MYO3A: variants seen among roughly 807,000 people sequenced by gnomAD.
MYO3A encodes myosin-IIIa.
In MYO3A, 180 loss-of-function variants were observed where a neutral mutation model predicts 192.7. The ratio of observed to expected loss-of-function variants is 0.93; its 90% confidence interval spans 0.83 to 1.06. The LOEUF is 1.06. Ranked by LOEUF, MYO3A falls within the 50% of genes least tolerant of loss-of-function variation. The pLI, the probability that MYO3A is intolerant of heterozygous loss-of-function variation, is 0.00. For missense variants in MYO3A, 1,896 were observed against 1,905.0 expected (o/e 1.00, Z 0.09); for synonymous variants, 628 against 645.3 (o/e 0.97, Z 0.41).
intron 34 of MYO3A, among the ~76,000 whole-genome samples, chr10:26,207,326 C>A (rs879063032): frequency 6.6e-6 from 1 of 152,030 alleles, no homozygotes; most frequent in African/African-American, 2.4e-5. Flanking sequence ...TAATTTCTTT[C>A]TTTTCTTTTC....
chr10:25,990,469 TTC>T (rs766092544), intron 4 of MYO3A, among the ~76,000 whole-genome samples: 10 of 148,552 alleles, frequency 6.7e-5, no homozygotes, highest in South Asian at 2.1e-4. Context: ...AGAATCATAA[TTC>T]TTTTTTTTAA....
intron 20 of MYO3A, among the ~76,000 whole-genome samples, chr10:26,133,921 G>C (rs2131788076): frequency 6.6e-6 from 1 of 152,290 alleles, no homozygotes; most frequent in African/African-American, 2.4e-5. Context: ...GGCAGTAATG[G>C]AAAAATAGTT....
Position 26,172,234 on chromosome 10 carries a change from C to T in MYO3A, c.3399-1429C>T, listed in dbSNP as rs75397842. 3.0e-3 allele frequency among the ~76,000 whole-genome samples: 459 copies of T among 152,354 alleles called. 2 individuals are homozygous for T. Among genetic ancestry groups the T allele is most frequent in the African/African-American group, 0.01 (436 of 41,578 alleles). On this transcript the variant is annotated intron_variant, in intron 29 of 34. Coordinates refer to ENST00000642920, the MANE Select transcript of MYO3A (RefSeq NM_017433.5). ...CTGACTTTCCTTTTCCCTCAGCTAC[C>T]TGAAGCGCTTGTTTTCACTTAACCA...
intron 17 of MYO3A, among the ~76,000 whole-genome samples, chr10:26,105,917 T>C (rs74126400): frequency 0.1 from 15,627 of 152,102 alleles, 869 homozygotes; most frequent in Non-Finnish European, 0.12. Flanking sequence ...AGAATTGACT[T>C]ATCCTATATT....
chr10:26,196,037 C>T (rs763615523), intron 32 of MYO3A, among the ~76,000 whole-genome samples: 1 of 152,156 alleles, frequency 6.6e-6, no homozygotes, highest in Non-Finnish European at 1.5e-5. Context: ...CAGATACCTG[C>T]GTTTGACAGT....
Position 26,075,891 on chromosome 10 carries a change from C to T in MYO3A, c.1359+5490C>T, listed in dbSNP as rs552378669. Among the ~76,000 whole-genome samples the T allele has an allele frequency of 1.8e-4, 27 of 151,120 alleles. 1 individual carries two copies. Among genetic ancestry groups the T allele is most frequent in the African/African-American group, 6.6e-4 (27 of 41,200 alleles). ...GTATCTCACAGTTTCTTTATCCACT[C>T]ATTGATTTATGGGCATTTGGGTTGG... On this transcript the variant is annotated intron_variant, in intron 14 of 34. Transcript: ENST00000642920.
Position 26,212,009 on chromosome 10 carries a change from CGGGGCAGCA to C in MYO3A, c.*52_*60del, listed in dbSNP as rs1844242792. Reference sequence around the variant, plus strand: ...CGCCGTCGGAAGGCGCTGGAGCCTGCGGGGCAGCAGGGGCCAAGCAGGCACTCTGGGGCT... The same window carrying C: ...CGCCGTCGGAAGGCGCTGGAGCCTGCGGGGCCAAGCAGGCACTCTGGGGCT... On this transcript the variant is annotated 3_prime_UTR_variant, in exon 35 of 35. Coordinates refer to ENST00000642920, the MANE Select transcript of MYO3A (RefSeq NM_017433.5). 4 of 1,597,740 alleles carry C rather than the reference CGGGGCAGCA, an allele frequency of 2.5e-6. No homozygotes were observed. The highest frequency in any genetic ancestry group is 3.4e-6 in the Non-Finnish European group (4 of 1,169,248).
chr10:26,118,840 C>T (rs1049799719), intron 17 of MYO3A, among the ~76,000 whole-genome samples: 1 of 151,984 alleles, frequency 6.6e-6, no homozygotes, highest in African/African-American at 2.4e-5. Context: ...CTGTGTTGGC[C>T]AGGCTGGTCT....
intron 4 of MYO3A, among the ~76,000 whole-genome samples, chr10:25,995,383 G>A (rs1840358112): frequency 6.6e-6 from 1 of 152,108 alleles, no homozygotes; most frequent in African/African-American, 2.4e-5. Flanking sequence ...TCTCTGCATT[G>A]GTTATTCTAG....
chr10:26,042,350 A>C (rs906169328), intron 10 of MYO3A, among the ~76,000 whole-genome samples: 37 of 152,064 alleles, frequency 2.4e-4, no homozygotes, highest in Non-Finnish European at 4.3e-4. Flanking sequence ...CTTCTTGGAC[A>C]TTGATATCTT....
chr10:26,037,458 G>C (rs1274983715), intron 10 of MYO3A, among the ~76,000 whole-genome samples: 1 of 152,050 alleles, frequency 6.6e-6, no homozygotes, highest in Non-Finnish European at 1.5e-5. Flanking sequence ...TTGAGATAAA[G>C]GTTTTGAAAT....
intron 10 of MYO3A, among the ~76,000 whole-genome samples, chr10:26,065,949 C>T (rs1481133309): frequency 4.9e-5 from 4 of 82,290 alleles, no homozygotes; most frequent in Admixed American, 2.2e-4. Context: ...AACCCCGTCT[C>T]TACTAAAAAT....
intron 10 of MYO3A, among the ~76,000 whole-genome samples, chr10:26,055,194 G>C (rs979415740): frequency 6.6e-6 from 1 of 152,150 alleles, no homozygotes; most frequent in Non-Finnish European, 1.5e-5. Context: ...GAAAGTTGCT[G>C]TAGAGGGATC....
Position 26,145,521 on chromosome 10 carries a change from A to G in MYO3A, c.2492A>G (p.His831Arg). The change falls in exon 22 of 35, where the codon CAT becomes CGT. Residue 831 changes from histidine (H) to arginine (R), a missense_variant. Coordinates refer to ENST00000642920, the MANE Select transcript of MYO3A (RefSeq NM_017433.5). ...ATGGAACTTAGTTTTGGAATTCACC[A>G]TTATGCAGGAAAGGTAAGAACTCTA... ...KRMELSFGIH[H>R]YAGKVLYNAS... The G allele has an allele frequency of 1.3e-6, 2 of 1,599,508 alleles. No individual in the cohort carries two copies. Among genetic ancestry groups the G allele is most frequent in the African/African-American group, 2.7e-5 (2 of 74,680 alleles).
intron 14 of MYO3A, among the ~76,000 whole-genome samples, chr10:26,072,478 C>T (rs1403067540): frequency 1.3e-5 from 2 of 151,998 alleles, no homozygotes; most frequent in African/African-American, 2.4e-5. Flanking sequence ...ACAGGGAAGA[C>T]ATGTAAGAAT....
At chr10:26,125,653 T>C (rs749633591) in intron 19 of MYO3A, 45 bp downstream of exon 19, 6 of 1,491,346 alleles carry the variant, frequency 4.0e-6, no homozygotes, top group South Asian at 2.3e-5. Context: ...TGTCAGGTGA[T>C]GTAAGTCTAC....
In MYO3A at chr10:26,125,505, G is replaced by A. The variant is rs1839166482; in HGVS notation, c.2011G>A (p.Ala671Thr). The A allele has an allele frequency of 6.2e-7, 1 of 1,614,082 alleles. No homozygotes were observed. Among genetic ancestry groups the A allele is most frequent in the Non-Finnish European group, 8.5e-7 (1 of 1,179,938 alleles). Reference sequence around the variant, plus strand: ...TATACGACCCAATACTGTAGAAAAAGCTACCGATGTCAGGGATGCCATGGC... The same window carrying A: ...TATACGACCCAATACTGTAGAAAAAACTACCGATGTCAGGGATGCCATGGC... ...TIIRPNTVEK[A>T]TDVRDAMAKT... The change falls in exon 19 of 35, where the codon GCT (alanine) becomes ACT (threonine). Residue 671 changes from alanine (A) to threonine (T), a missense_variant. Ala to Thr is a moderately conservative substitution (Grantham distance 58). Coordinates refer to ENST00000642920, the MANE Select transcript of MYO3A (RefSeq NM_017433.5).
intron 34 of MYO3A, among the ~76,000 whole-genome samples, chr10:26,209,531 G>A (rs1203777047): frequency 6.6e-6 from 1 of 152,066 alleles, no homozygotes; most frequent in Non-Finnish European, 1.5e-5. Context: ...CTCCCAGCAC[G>A]ACACTGAAAT....
intron 25 of MYO3A, among the ~76,000 whole-genome samples, chr10:26,156,120 T>C (rs1841094148): frequency 6.6e-6 from 1 of 152,186 alleles, no homozygotes; most frequent in Non-Finnish European, 1.5e-5. Flanking sequence ...TGGCAGATGT[T>C]CGCACGAGTA....
Sources: allele counts gnomAD v4.1 joint callset (sites outside exome capture counted in the v4.1 genomes callset), GRCh38; gene constraint gnomAD v4.1.1; transcripts MANE v1.5; gene names NCBI Gene and HGNC (gene_info 2026-07-23, HGNC 2026-07-21).